ANKRD20A1: variants seen among roughly 807,000 people sequenced by gnomAD.
The protein encoded by ANKRD20A1 is ankyrin repeat domain 20 family member A1.
ANKRD20A1 carries 2 observed loss-of-function variants against 50.9 expected under a neutral mutation model. The observed-to-expected ratio is 0.04, with a 90% CI of 0.02 to 0.12. The LOEUF is 0.12. Ranked by LOEUF, ANKRD20A1 falls within the 10% of genes least tolerant of loss-of-function variation. The pLI is 1.00. For missense variants in ANKRD20A1, 31 were observed against 548.1 expected, an observed-to-expected ratio of 0.06 and a Z score of 9.42; for synonymous variants, 10 against 186.2, an observed-to-expected ratio of 0.05 and a Z score of 7.70.
chr9:67,884,652 A>G (rs1290829350), intron 9 of ANKRD20A1, 82 bp downstream of exon 9: 1 of 1,210,912 alleles, frequency 8.3e-7, no homozygotes, highest in African/African-American at 1.4e-5. Context: ...GCACTTTGGG[A>G]GGCCGAGGCG....
chr9:67,882,341 G>A (rs1827814051), intron 8 of ANKRD20A1, among the ~76,000 whole-genome samples: 1 of 150,762 alleles, frequency 6.6e-6, no homozygotes, highest in Non-Finnish European at 1.5e-5. Context: ...AATGTTATAA[G>A]TAATATAATA....
chr9:67,895,934 CAA>C (rs1827997462), intron 12 of ANKRD20A1, among the ~76,000 whole-genome samples: 2 of 82,978 alleles, frequency 2.4e-5, no homozygotes, highest in African/African-American at 7.2e-5. Context: ...AATTATGTGT[CAA>C]AGTAGATTAG....
At chr9:67,880,825 A>G in intron 8 of ANKRD20A1, among the ~76,000 whole-genome samples, 1 of 53,744 alleles carries the variant, frequency 1.9e-5, no homozygotes, top group South Asian at 8.5e-4. Context: ...GCTTTCTCCA[A>G]TAGAGGAAAT....
At chr9:67,875,284 C>CAAAGTG (rs1827707498) in intron 6 of ANKRD20A1, among the ~76,000 whole-genome samples, 1 of 98,768 alleles carries the variant, frequency 1.0e-5, no homozygotes, top group Non-Finnish European at 2.3e-5. Context: ...GGTGATCCAC[C>CAAAGTG]CATCTTTGCC....
Sources: allele counts gnomAD v4.1 joint callset (sites outside exome capture counted in the v4.1 genomes callset), GRCh38; gene constraint gnomAD v4.1.1; transcripts MANE v1.5; gene names NCBI Gene and HGNC (gene_info 2026-07-23, HGNC 2026-07-21).